Variants in ABCC1 observed in about 807,000 individuals in gnomAD.
The protein encoded by ABCC1 is multidrug resistance-associated protein 1.
A neutral mutation model predicts 172.9 loss-of-function variants in ABCC1; 83 were observed. The observed-to-expected ratio is 0.48, with a 90% CI of 0.40 to 0.58. ABCC1 has a LOEUF of 0.58. Ranked by LOEUF, ABCC1 falls within the 20% of genes least tolerant of loss-of-function variation. The pLI, the probability that ABCC1 is intolerant of heterozygous loss-of-function variation, is 0.00. For missense variants in ABCC1, 1,817 were observed against 2,002.7 expected (o/e 0.91, Z 1.77); for synonymous variants, 937 against 825.2 (o/e 1.14, Z -2.32).
intron 20 of ABCC1, among the ~76,000 whole-genome samples, chr16:16,103,704 A>G (rs567152315): frequency 6.6e-6 from 1 of 152,348 alleles, no homozygotes. Context: ...CCGGACCTGC[A>G]GTTGCTACAG....
chr16:15,950,053 GT>G (rs916353643), intron 1 of ABCC1, among the ~76,000 whole-genome samples: 3 of 152,090 alleles, frequency 2.0e-5, no homozygotes, highest in African/African-American at 7.2e-5. Context: ...GGAGGGTCGG[GT>G]CGGGTCAGAG....
intron 15 of ABCC1, among the ~76,000 whole-genome samples, chr16:16,078,301 G>A (rs2151978765): frequency 6.6e-6 from 1 of 152,226 alleles, no homozygotes; most frequent in East Asian, 1.9e-4. Context: ...GGTGCCGTCG[G>A]CAGTGGGAGT....
chr16:16,064,300 T>G (rs1325238918), intron 12 of ABCC1, among the ~76,000 whole-genome samples: 1 of 152,146 alleles, frequency 6.6e-6, no homozygotes, highest in East Asian at 1.9e-4. Flanking sequence ...CCCCAGTCAT[T>G]GTGCCCGTCC....
At position 16,131,919 on chromosome 16, in the gene ABCC1, T is replaced by A. The variant is rs2045691368; in HGVS notation, c.3950T>A (p.Ile1317Asn). 1 of 1,613,720 alleles carries A rather than the reference T, an allele frequency of 6.2e-7. No homozygotes were observed. Among genetic ancestry groups the A allele is most frequent in the Non-Finnish European group, 8.5e-7 (1 of 1,179,944 alleles). ...GTTCTCAGGCACATCAATGTCACGA[T>A]CAATGGGGGAGAAAAGGTGGGTACA... is the stretch of plus-strand genomic sequence containing the variant. ...DFVLRHINVTINGGEKVGIVG... is the reference protein window; with the variant it reads ...DFVLRHINVTNNGGEKVGIVG... Residue 1317 changes from isoleucine to asparagine, a missense_variant, in exon 27 of 31, where the codon ATC becomes AAC. By Grantham distance (149) the Ile-to-Asn change is moderately radical. This residue lies in a region of ABCC1 where 1,412 missense variants were observed against 1,600.3 expected (regional missense o/e 0.88). Coordinates refer to ENST00000399410, the MANE Select transcript of ABCC1 (RefSeq NM_004996.4).
intron 23 of ABCC1, among the ~76,000 whole-genome samples, chr16:16,121,289 G>A (rs967569551): frequency 2.0e-5 from 3 of 152,108 alleles, no homozygotes; most frequent in South Asian, 2.1e-4. Context: ...GTGATCTCCC[G>A]CCTCTGCCTC....
intron 12 of ABCC1, among the ~76,000 whole-genome samples, chr16:16,057,199 GAAA>G (rs1340456969): frequency 1.1e-5 from 1 of 87,076 alleles, no homozygotes; most frequent in African/African-American, 5.0e-5. Context: ...AAAAAAAAAA[GAAA>G]GAAAAAAAAA....
At position 16,111,467 on chromosome 16, in the gene ABCC1, C is replaced by T. The variant is rs369191653; in HGVS notation, c.2964C>T (p.Ser988=). 5.8e-5 allele frequency: 93 copies of T among 1,614,046 alleles called. No homozygotes were observed. The highest frequency in any genetic ancestry group is 3.3e-4 in the Admixed American group (20 of 59,982). Residue 988 remains serine, a synonymous_variant, in exon 22 of 31, where the codon TCC becomes TCT. Coordinates refer to ENST00000399410, the MANE Select transcript of ABCC1 (RefSeq NM_004996.4). ...TCCTTTTCATGTGTAACCATGTGTC[C>T]GCGCTGGCTTCCAACTATTGGCTCA... is the stretch of plus-strand genomic sequence containing the variant. ...SIFLFMCNHV[S]ALASNYWLSL...
At chr16:16,023,887 G>C (rs1053994742) in intron 5 of ABCC1, among the ~76,000 whole-genome samples, 1 of 152,200 alleles carries the variant, frequency 6.6e-6, no homozygotes. Context: ...CAAAGGTCCA[G>C]TTGAGGGAGC....
rs575873483 is a variant in ABCC1 at position 15,986,636 on chromosome 16, C to T, written c.49-21180C>T. On this transcript the variant is annotated intron_variant, in intron 1 of 30. Coordinates refer to ENST00000399410, the MANE Select transcript of ABCC1 (RefSeq NM_004996.4). ...CAAAACTGTCTTCCATGAAATCCAT[C>T]CCTGGTGCCAAAAAGCGTGGGGACC... 3.3e-5 allele frequency among the ~76,000 whole-genome samples: 5 copies of T among 152,318 alleles called. No individual in the cohort carries two copies. The East Asian group carries it at 9.6e-4, about 29-fold the overall frequency.
chr16:16,043,720 G>A (rs1245308563), intron 7 of ABCC1, among the ~76,000 whole-genome samples: 1 of 152,094 alleles, frequency 6.6e-6, no homozygotes, highest in Non-Finnish European at 1.5e-5. Flanking sequence ...TCCTGCCTCA[G>A]CCTCCCAAGT....
intron 18 of ABCC1, among the ~76,000 whole-genome samples, chr16:16,088,056 C>T (rs1028482730): frequency 6.6e-6 from 1 of 152,030 alleles, no homozygotes; most frequent in African/African-American, 2.4e-5. Flanking sequence ...CTAAGTAATA[C>T]ATGCCCATTG....
chr16:16,013,844 G>A (rs927306131), intron 3 of ABCC1, among the ~76,000 whole-genome samples: 18 of 152,248 alleles, frequency 1.2e-4, no homozygotes, highest in African/African-American at 4.3e-4. Flanking sequence ...AAAAGCACAT[G>A]TAAAGTCCTG....
intron 7 of ABCC1, among the ~76,000 whole-genome samples, chr16:16,040,168 T>C (rs2048922368): frequency 6.6e-6 from 1 of 152,026 alleles, no homozygotes; most frequent in South Asian, 2.1e-4. Flanking sequence ...TGATAACAGC[T>C]CATTGCAGCC....
chr16:16,039,493 T>G (rs1260956105), intron 7 of ABCC1, among the ~76,000 whole-genome samples: 6 of 152,024 alleles, frequency 3.9e-5, no homozygotes, highest in Admixed American at 1.3e-4. Flanking sequence ...GGTCTTAAAC[T>G]TCTAATCTCA....
intron 16 of ABCC1, 134 bp downstream of exon 16, chr16:16,079,612 T>C: frequency 8.7e-7 from 1 of 1,146,478 alleles, no homozygotes; most frequent in Non-Finnish European, 1.2e-6. Flanking sequence ...CTCCTCCTCC[T>C]GTATCTTTCC....
At chr16:16,113,859 G>A (rs1212330791) in intron 22 of ABCC1, among the ~76,000 whole-genome samples, 1 of 152,134 alleles carries the variant, frequency 6.6e-6, no homozygotes, top group East Asian at 1.9e-4. Context: ...TCAGGCATTA[G>A]TTAGATTATC....
At chr16:16,039,198 C>A (rs182849741) in intron 7 of ABCC1, among the ~76,000 whole-genome samples, 1 of 145,188 alleles carries the variant, frequency 6.9e-6, no homozygotes, top group Non-Finnish European at 1.5e-5. Context: ...TGAGAGTAAC[C>A]GAGGAAGCTT....
chr16:16,088,654 A>G (rs1464503376), intron 18 of ABCC1, among the ~76,000 whole-genome samples: 1 of 152,166 alleles, frequency 6.6e-6, no homozygotes, highest in Non-Finnish European at 1.5e-5. Flanking sequence ...ATCGTATTAA[A>G]TTTAGATATC....
rs1355859231 is a variant in ABCC1, at chr16:16,079,421, C to G, written c.2058C>G (p.Ser686=). Residue 686 remains serine, a synonymous_variant, in exon 16 of 31, where the codon TCC becomes TCG. Coordinates refer to ENST00000399410, the MANE Select transcript of ABCC1 (RefSeq NM_004996.4). ...GCCAGGTGGGCTGCGGAAAGTCGTCCCTGCTCTCAGCCCTCTTGGCTGAGA... is the reference window on the plus strand; with the variant it reads ...GCCAGGTGGGCTGCGGAAAGTCGTCGCTGCTCTCAGCCCTCTTGGCTGAGA... ...VVGQVGCGKS[S]LLSALLAEMD... 2 of 1,613,864 alleles carry G rather than the reference C, an allele frequency of 1.2e-6. No individual in the cohort carries two copies. The highest frequency in any genetic ancestry group is 1.6e-4 in the Middle Eastern group (1 of 6,084).
Sources: allele counts gnomAD v4.1 joint callset (sites outside exome capture counted in the v4.1 genomes callset), GRCh38; gene constraint gnomAD v4.1.1; regional missense constraint gnomAD v4.1.1; transcripts MANE v1.5; gene names NCBI Gene and HGNC (gene_info 2026-07-23, HGNC 2026-07-21).